Variants in CACNB4 observed in about 807,000 individuals in gnomAD.
The protein encoded by CACNB4 is voltage-dependent L-type calcium channel subunit beta-4.
A neutral mutation model predicts 71.2 loss-of-function variants in CACNB4; 32 were observed. The observed-to-expected ratio is 0.45, with a 90% CI of 0.34 to 0.60. The LOEUF (loss-of-function observed/expected upper bound fraction) is 0.60, where lower values mean the gene tolerates loss of function less well. Ranked by LOEUF, CACNB4 falls within the 20% of genes least tolerant of loss-of-function variation. The pLI, the probability that CACNB4 is intolerant of heterozygous loss-of-function variation, is 0.01. For missense variants in CACNB4, 464 were observed against 647.9 expected (o/e 0.72, Z 3.08); for synonymous variants, 231 against 236.9 (o/e 0.97, Z 0.23).
intron 2 of CACNB4, among the ~76,000 whole-genome samples, chr2:151,909,081 T>C (rs939293002): frequency 9.5e-5 from 14 of 147,850 alleles, no homozygotes; most frequent in Non-Finnish European, 1.5e-5. Flanking sequence ...ATCCTATCTA[T>C]ATATAAATAT....
chr2:151,924,916 C>G (rs2099859855), intron 2 of CACNB4, among the ~76,000 whole-genome samples: 1 of 151,998 alleles, frequency 6.6e-6, no homozygotes, highest in Admixed American at 6.5e-5. Context: ...TCAAGGAATC[C>G]CACGCAATGC....
At chr2:152,099,052 G>A, upstream of CACNB4, 1 of 1,408,948 alleles carries the variant, frequency 7.1e-7, no homozygotes, top group Non-Finnish European at 9.6e-7. Flanking sequence ...TGCGGTGGGC[G>A]GAGGGGGCTG....
chr2:152,069,865 T>A (rs1186343152), intron 2 of CACNB4, among the ~76,000 whole-genome samples: 1 of 135,396 alleles, frequency 7.4e-6, no homozygotes, highest in South Asian at 2.4e-4. Flanking sequence ...TTTTTGGAGA[T>A]GGAGTCTCGC....
intron 2 of CACNB4, among the ~76,000 whole-genome samples, chr2:152,090,009 TGTGA>T (rs1465507044): frequency 3.3e-5 from 5 of 152,210 alleles, no homozygotes; most frequent in Admixed American, 2.0e-4. Context: ...TCTTCATGAA[TGTGA>T]GTGAGTTGCA....
intron 2 of CACNB4, among the ~76,000 whole-genome samples, chr2:152,011,114 C>G (rs1311898622): frequency 1.3e-5 from 2 of 152,136 alleles, no homozygotes; most frequent in African/African-American, 4.8e-5. Flanking sequence ...AACAATTATT[C>G]CAGAAGAGTC....
intron 2 of CACNB4, among the ~76,000 whole-genome samples, chr2:151,940,358 G>C (rs552330166): frequency 3.0e-4 from 45 of 152,340 alleles, no homozygotes; most frequent in Middle Eastern, 6.8e-3. Flanking sequence ...AAATGGGTAA[G>C]TGGTACCAGA....
chr2:151,839,966 A>G lies in CACNB4; in HGVS notation c.1303-587T>C, dbSNP rs185594889. On this transcript the variant is annotated intron_variant, in intron 13 of 13. Coordinates refer to ENST00000539935, the MANE Select transcript of CACNB4 (RefSeq NM_000726.5). ...ATAATTATGAAGCCAGCTAATTGAT[A>G]CATTTATAAATCTTGCTTCCTCAAC... Among the ~76,000 whole-genome samples the G allele has an allele frequency of 2.3e-3, 346 of 152,372 alleles. 4 individuals carry two copies. Among genetic ancestry groups the G allele is most frequent in the African/African-American group, 8.0e-3 (331 of 41,586 alleles).
chr2:152,075,204 C>T (rs1178153958), intron 2 of CACNB4, among the ~76,000 whole-genome samples: 1 of 152,212 alleles, frequency 6.6e-6, no homozygotes, highest in East Asian at 1.9e-4. Context: ...TTATTACTTG[C>T]CTAAGGTCAC....
At chr2:152,055,267 C>G (rs1685665507) in intron 2 of CACNB4, among the ~76,000 whole-genome samples, 1 of 152,196 alleles carries the variant, frequency 6.6e-6, no homozygotes, top group Non-Finnish European at 1.5e-5. Flanking sequence ...CTGCCTTGGC[C>G]TCCCAAAATG....
In CACNB4 at chr2:151,958,289, G is replaced by C. The variant is rs895931353; in HGVS notation, c.148-74919C>G. 1.1e-3 allele frequency among the ~76,000 whole-genome samples: 162 copies of C among 152,178 alleles called. 1 individual carries two copies. Among genetic ancestry groups the C allele is most frequent in the Admixed American group, 0.01 (157 of 15,276 alleles). On this transcript the variant is annotated intron_variant, in intron 2 of 13. Coordinates refer to ENST00000539935, the MANE Select transcript of CACNB4 (RefSeq NM_000726.5). ...AAACATGGCATAATAGGGTATATGA[G>C]GATAGGTACAGGCCCGGAACAGATA...
intron 2 of CACNB4, among the ~76,000 whole-genome samples, chr2:152,047,807 G>A (rs1243929724): frequency 1.3e-5 from 2 of 152,312 alleles, no homozygotes; most frequent in South Asian, 2.1e-4. Flanking sequence ...TCTGAGGCAG[G>A]TGAATTGCTT....
chr2:151,989,175 C>A (rs537586867), intron 2 of CACNB4, among the ~76,000 whole-genome samples: 1 of 152,328 alleles, frequency 6.6e-6, no homozygotes, highest in African/African-American at 2.4e-5. Context: ...TTGACTATAA[C>A]TTCAACCCAC....
chr2:152,007,959 A>G (rs1560127535), intron 2 of CACNB4, among the ~76,000 whole-genome samples: 3 of 151,964 alleles, frequency 2.0e-5, no homozygotes, highest in African/African-American at 7.2e-5. Context: ...TTTAGTAGAG[A>G]CAGGGTTTCA....
chr2:151,851,524 A>G (rs1421696621), intron 12 of CACNB4: 1 of 152,224 alleles, frequency 6.6e-6, no homozygotes, highest in African/African-American at 2.4e-5. Context: ...GTAGCTCAGT[A>G]TATTAGTTGC....
chr2:152,051,048 G>A (rs1685402030), intron 2 of CACNB4, among the ~76,000 whole-genome samples: 2 of 151,986 alleles, frequency 1.3e-5, no homozygotes, highest in African/African-American at 2.4e-5. Context: ...GATTACAGAT[G>A]TGAGCCGCTG....
intron 8 of CACNB4, chr2:151,870,318 A>G (rs1033914600): frequency 5.7e-6 from 4 of 703,480 alleles, no homozygotes; most frequent in Non-Finnish European, 1.0e-5. Flanking sequence ...GTATTTCTAA[A>G]CAATGTAATA....
chr2:151,909,457 A>C (rs1246205003), intron 2 of CACNB4, among the ~76,000 whole-genome samples: 8 of 129,616 alleles, frequency 6.2e-5, no homozygotes, highest in Non-Finnish European at 1.1e-4. Flanking sequence ...AAACAAAAAA[A>C]AAAAACAAAA....
chr2:152,074,975 A>T (rs961424389), intron 2 of CACNB4, among the ~76,000 whole-genome samples: 8 of 152,198 alleles, frequency 5.3e-5, no homozygotes, highest in African/African-American at 1.9e-4. Context: ...AAACAGAGAA[A>T]CAGGCAGAGG....
intron 2 of CACNB4, among the ~76,000 whole-genome samples, chr2:152,056,700 C>A (rs187091935): frequency 5.3e-5 from 8 of 152,292 alleles, no homozygotes; most frequent in Non-Finnish European, 1.0e-4. Flanking sequence ...TCATGCTGCT[C>A]TTTATGCTCC....
Sources: allele counts gnomAD v4.1 joint callset (sites outside exome capture counted in the v4.1 genomes callset), GRCh38; gene constraint gnomAD v4.1.1; transcripts MANE v1.5; gene names NCBI Gene and HGNC (gene_info 2026-07-23, HGNC 2026-07-21).